The following TMEM181 variants were observed in gnomAD, a reference collection of about 807,000 sequenced individuals.
TMEM181 encodes the protein G protein-coupled receptor 178.
TMEM181 carries 39 observed loss-of-function variants against 71.9 expected under a neutral mutation model. The ratio of observed to expected loss-of-function variants is 0.54; its 90% confidence interval spans 0.42 to 0.71. The LOEUF is 0.71. Among genes scored for constraint, TMEM181 ranks in the 30% least tolerant of loss-of-function variants. TMEM181 has a pLI of 0.00. For synonymous variants in TMEM181, 245 were observed against 228.8 expected (o/e 1.07, Z -0.64); for missense variants, 595 against 583.0 (o/e 1.02, Z -0.21).
At chr6:158,550,399 T>TCCCAAA (rs1487026194) in intron 1 of TMEM181, among the ~76,000 whole-genome samples, 1 of 151,568 alleles carries the variant, frequency 6.6e-6, no homozygotes, top group Non-Finnish European at 1.5e-5. Context: ...GGCTCATGCC[T>TCCCAAA]GTAATCCCAG....
chr6:158,561,763 G>C (rs995902831), intron 1 of TMEM181, among the ~76,000 whole-genome samples: 8 of 152,190 alleles, frequency 5.3e-5, no homozygotes, highest in Non-Finnish European at 5.9e-5. Flanking sequence ...GCAGCTGTAA[G>C]CGCTTTGTGC....
In TMEM181 at chr6:158,620,024, C is replaced by G. The variant is rs372711572; in HGVS notation, c.897-3526C>G. 2.0e-5 allele frequency among the ~76,000 whole-genome samples: 3 copies of G among 152,136 alleles called. No individual in the cohort carries two copies. In the South Asian group the frequency reaches 6.2e-4, roughly 31 times the overall value. ...CTGAGAATCTGAAAGTTAAAGGGTG[C>G]TGTTCTCAGGCAATTGGCTGTTATT... On this transcript the variant is annotated intron_variant, in intron 10 of 16. Transcript: ENST00000684151. This position sits in a 1 kb window ranked among gnomAD's most constrained non-coding sequence, Gnocchi z 4.5.
Position 158,634,086 on chromosome 6 carries a change from T to C in TMEM181, c.*2198T>C, listed in dbSNP as rs990298413. On this transcript the variant is annotated 3_prime_UTR_variant, in exon 17 of 17. Coordinates refer to ENST00000684151, the MANE Select transcript of TMEM181 (RefSeq NM_001376852.1). Reference sequence around the variant, plus strand: ...ATGACTATTATCTTCATACATTGAGTCTTCATGCATCAATGAAATGAAAAA... The same window carrying C: ...ATGACTATTATCTTCATACATTGAGCCTTCATGCATCAATGAAATGAAAAA... 1 of 152,244 alleles carries C rather than the reference T, an allele frequency of 6.6e-6. No individual in the cohort carries two copies. The highest frequency in any genetic ancestry group is 1.5e-5 in the Non-Finnish European group (1 of 68,044). The allele number at this position is 152,244 out of a possible 1,614,324, so 9.4% of individuals were successfully genotyped here. A position where few individuals can be genotyped will look rare whatever the true frequency, so the allele number is the denominator to read the frequency against.
intron 1 of TMEM181, among the ~76,000 whole-genome samples, chr6:158,570,621 T>G (rs1025627784): frequency 6.6e-6 from 1 of 152,076 alleles, no homozygotes; most frequent in African/African-American, 2.4e-5. Context: ...AGCCCTGCCC[T>G]CTGCACCCAC....
intron 6 of TMEM181, among the ~76,000 whole-genome samples, chr6:158,590,909 G>A (rs986125491): frequency 2.5e-4 from 38 of 152,170 alleles, no homozygotes; most frequent in African/African-American, 8.7e-4. Flanking sequence ...CTCTGTCCCC[G>A]TGGATTTGCC....
intron 1 of TMEM181, among the ~76,000 whole-genome samples, chr6:158,543,001 G>A (rs914929777): frequency 1.5e-4 from 22 of 144,214 alleles, no homozygotes; most frequent in East Asian, 2.2e-4. Context: ...TCAGCCTCCC[G>A]AGTAGCTGGG....
intron 1 of TMEM181, among the ~76,000 whole-genome samples, chr6:158,561,852 CGG>C (rs1457195462): frequency 6.6e-6 from 1 of 152,140 alleles, no homozygotes; most frequent in Non-Finnish European, 1.5e-5. Flanking sequence ...CCACCACCAT[CGG>C]CCAGCATTCC....
intron 10 of TMEM181, chr6:158,610,497 T>G (rs942255492): frequency 5.4e-6 from 2 of 369,496 alleles, no homozygotes; most frequent in African/African-American, 4.3e-5. Flanking sequence ...TGGGTATCAG[T>G]GAAGCCCTGC....
At position 158,632,894 on chromosome 6, in the gene TMEM181, CCCGTCTCTATAAAACATTTAG is replaced by C. The variant is rs1786738645; in HGVS notation, c.*1007_*1027del. The C allele has an allele frequency of 6.6e-6, 1 of 152,228 alleles. No individual in the cohort carries two copies. 9.4% of individuals were successfully genotyped at this position (152,228 alleles called of 1,614,324 possible). A position where few individuals can be genotyped will look rare whatever the true frequency, so the allele number is the denominator to read the frequency against. ...ACCAGCCTGGGCAACACAGGGAGAC[CCCGTCTCTATAAAACATTTAG>C]AAAGTTGGCTGGGCATGCTGGGGCA... is the stretch of plus-strand genomic sequence containing the variant. On this transcript the variant is annotated 3_prime_UTR_variant, in exon 17 of 17. Coordinates refer to ENST00000684151, the MANE Select transcript of TMEM181 (RefSeq NM_001376852.1).
chr6:158,622,818 A>G (rs1418774226), intron 10 of TMEM181, among the ~76,000 whole-genome samples: 1 of 151,454 alleles, frequency 6.6e-6, no homozygotes, highest in Non-Finnish European at 1.5e-5. Context: ...TAGAGAGGGG[A>G]GACCTTGTTG....
intron 3 of TMEM181, among the ~76,000 whole-genome samples, chr6:158,583,505 A>G (rs941964537): frequency 2.0e-5 from 3 of 151,878 alleles, no homozygotes; most frequent in Admixed American, 6.6e-5. Context: ...TATGTTCTTG[A>G]AAGGAAAACC....
At chr6:158,537,202 C>G (rs994630542) in intron 1 of TMEM181, among the ~76,000 whole-genome samples, 35 of 152,026 alleles carry the variant, frequency 2.3e-4, no homozygotes, top group Non-Finnish European at 4.6e-4. Context: ...TCCCTGCGCC[C>G]CGCGTCGTTC....
intron 1 of TMEM181, among the ~76,000 whole-genome samples, chr6:158,542,750 G>C (rs773717219): frequency 6.6e-6 from 1 of 151,914 alleles, no homozygotes; most frequent in African/African-American, 2.4e-5. Context: ...GACTACATGC[G>C]TGGACCACCA....
chr6:158,575,153 A>G (rs1783088887), intron 2 of TMEM181, among the ~76,000 whole-genome samples: 1 of 152,198 alleles, frequency 6.6e-6, no homozygotes, highest in South Asian at 2.1e-4. Flanking sequence ...GTTTAACCAA[A>G]TGTCTCAGCA....
chr6:158,611,223 T>C (rs571115801), intron 10 of TMEM181: 6 of 504,122 alleles, frequency 1.2e-5, no homozygotes, highest in South Asian at 5.9e-5. Flanking sequence ...TGACTATCCT[T>C]CTCAGCAGGG....
At chr6:158,546,135 C>T (rs534081006) in intron 1 of TMEM181, among the ~76,000 whole-genome samples, 1 of 152,232 alleles carries the variant, frequency 6.6e-6, no homozygotes, top group East Asian at 1.9e-4. Flanking sequence ...CTTCCTATTC[C>T]ATCTGGAAAG....
chr6:158,560,346 C>T (rs1782085559), intron 1 of TMEM181, 114 bp downstream of exon 1: 11 of 981,014 alleles, frequency 1.1e-5, no homozygotes, highest in African/African-American at 1.7e-5. Context: ...CCACGTGGAA[C>T]TGGGGGCAGG....
chr6:158,538,103 C>T (rs1010968303), intron 1 of TMEM181, among the ~76,000 whole-genome samples: 2 of 150,938 alleles, frequency 1.3e-5, no homozygotes, highest in Non-Finnish European at 2.9e-5. Flanking sequence ...TATTTCCAAT[C>T]TCCTTTTCTG....
chr6:158,600,858 C>CT lies in TMEM181; in HGVS notation c.493-4408dup, dbSNP rs1228970862. On this transcript the variant is annotated intron_variant, in intron 6 of 16. Transcript: ENST00000684151. ...CTAGAATCCCCCTCCTCCAGGGAGT[C>CT]TGAGATTATTTTCTTTCTTAAGAGT... Among the ~76,000 whole-genome samples, 4 of 152,260 alleles carry CT rather than the reference C, an allele frequency of 2.6e-5. No homozygotes were observed. The East Asian group carries it at 7.7e-4, about 29-fold the overall frequency.
Sources: gnomAD v4.1 joint callset for allele counts (sites outside exome capture counted in the v4.1 genomes callset) on GRCh38, gnomAD v4.1.1 for gene constraint, Gnocchi (gnomAD v3.1) non-coding constraint, MANE v1.5 for transcripts, NCBI Gene and HGNC (gene_info 2026-07-23, HGNC 2026-07-21) for gene names.